Variants in SFRP2 observed in about 807,000 individuals in gnomAD.
SFRP2 encodes the protein secreted frizzled-related protein 2.
Under a neutral mutation model 26.0 loss-of-function variants are expected in SFRP2, and 16 were observed. That is an observed-to-expected ratio of 0.61 (90% CI 0.42 to 0.93). The LOEUF is 0.93. Ranked by LOEUF, SFRP2 falls within the 40% of genes least tolerant of loss-of-function variation. The pLI is 0.00. For missense variants in SFRP2, 343 were observed against 392.4 expected, an observed-to-expected ratio of 0.87 and a Z score of 1.06; for synonymous variants, 173 against 167.3, an observed-to-expected ratio of 1.03 and a Z score of -0.26.
chr4:153,787,765 T>C (rs1741234782), intron 1 of SFRP2, among the ~76,000 whole-genome samples: 1 of 152,248 alleles, frequency 6.6e-6, no homozygotes, highest in Non-Finnish European at 1.5e-5. Context: ...CCAGTCCCGG[T>C]TTTATTTCCA....
Position 153,788,571 on chromosome 4 carries a change from G to A in SFRP2, c.265C>T (p.Pro89Ser), listed in dbSNP as rs767842776. ...GAGCACAGGAACTTCTTGGTGTCCGGGTGGCACTGCTTCATGACCAGCGGG... is the reference window on the plus strand; with the variant it reads ...GAGCACAGGAACTTCTTGGTGTCCGAGTGGCACTGCTTCATGACCAGCGGG... ...WIPLVMKQCH[P>S]DTKKFLCSLF... The change falls in exon 1 of 3, where the codon CCG becomes TCG. Residue 89 changes from proline to serine, a missense_variant. By Grantham distance (74) the Pro-to-Ser change is moderately conservative (BLOSUM62 -1). Coordinates refer to ENST00000274063, the MANE Select transcript of SFRP2 (RefSeq NM_003013.3). 1.9e-6 allele frequency: 3 copies of A among 1,614,180 alleles called. No homozygotes were observed. Among genetic ancestry groups the A allele is most frequent in the African/African-American group, 1.3e-5 (1 of 75,056 alleles).
Position 153,781,478 on chromosome 4 carries a change from G to C in SFRP2, c.861C>G (p.Ser287=). The stretch of plus-strand genomic sequence containing the variant: ...AGCACTGCAGCTTGCGGATGCTGCG[G>C]GAGATGCGCTTGAACTCTCTCTGCC... ...QKGQREFKRI[S]RSIRKLQC The change falls in exon 3 of 3, where the codon TCC becomes TCG. Residue 287 remains serine (S), a synonymous_variant. Coordinates refer to ENST00000274063, the MANE Select transcript of SFRP2 (RefSeq NM_003013.3). 6.2e-7 allele frequency: 1 copy of C among 1,613,680 alleles called. No individual in the cohort carries two copies. The highest frequency in any genetic ancestry group is 8.5e-7 in the Non-Finnish European group (1 of 1,180,014).
rs184182644 is a variant in SFRP2 at position 153,780,620 on chromosome 4, C to T, written c.*831G>A. 6 of 152,594 alleles carry T rather than the reference C, an allele frequency of 3.9e-5. No homozygotes were observed. In the East Asian group the frequency reaches 1.2e-3, roughly 29 times the overall value. 9.5% of individuals were successfully genotyped at this position (152,594 alleles called of 1,614,324 possible). A position where few individuals can be genotyped will look rare whatever the true frequency, so the allele number is the denominator to read the frequency against. On this transcript the variant is annotated 3_prime_UTR_variant, in exon 3 of 3. Coordinates refer to ENST00000274063, the MANE Select transcript of SFRP2 (RefSeq NM_003013.3). ...TAAAACAGGATGTAAAGTTTATATA[C>T]AAGAATATAATGTTTATCTGAAATA...
intron 2 of SFRP2, among the ~76,000 whole-genome samples, chr4:153,782,308 G>A (rs17030432): frequency 0.045 from 6,868 of 152,292 alleles, 265 homozygotes; most frequent in East Asian, 0.21. Flanking sequence ...ATTTGGTAAA[G>A]CAGGAGAAAC....
At chr4:153,784,323 G>C (rs1015112447) in intron 2 of SFRP2, among the ~76,000 whole-genome samples, 1 of 152,200 alleles carries the variant, frequency 6.6e-6, no homozygotes, top group Admixed American at 6.5e-5. Context: ...GTAAGGCTCT[G>C]GTGATTTGGA....
At chr4:153,784,649 T>A (rs1368267553) in intron 2 of SFRP2, among the ~76,000 whole-genome samples, 3 of 152,170 alleles carry the variant, frequency 2.0e-5, no homozygotes, top group Non-Finnish European at 4.4e-5. Flanking sequence ...ATTTCTGGGA[T>A]GGCAAGGTAA....
Position 153,788,962 on chromosome 4 carries a change from G to A in SFRP2, c.-127C>T. On this transcript the variant is annotated 5_prime_UTR_variant, in exon 1 of 3. Coordinates refer to ENST00000274063, the MANE Select transcript of SFRP2 (RefSeq NM_003013.3). ...GACTCGGGGCCCCGAAAAGCTGGCA[G>A]CCGGCGGCTGGGGCGCGGAGAAGCG... 3 of 1,213,434 alleles carry A rather than the reference G, an allele frequency of 2.5e-6. No homozygotes were observed. The highest frequency in any genetic ancestry group is 3.3e-6 in the Non-Finnish European group (3 of 912,770). The allele number at this position is 1,213,434 out of a possible 1,614,324, so 75.2% of individuals were successfully genotyped here. A position where few individuals can be genotyped will look rare whatever the true frequency, so the allele number is the denominator to read the frequency against.
chr4:153,785,554 C>CAAAAAAAAAAAA (rs369450385), intron 2 of SFRP2, among the ~76,000 whole-genome samples: 3 of 46,468 alleles, frequency 6.5e-5, no homozygotes, highest in Non-Finnish European at 1.2e-4. Context: ...TGCCTGTCGG[C>CAAAAAAAAAAAA]AAAAAAAAAA....
Position 153,788,831 on chromosome 4 carries a change from A to C in SFRP2, c.5T>G (p.Leu2Arg), listed in dbSNP as rs767318221. The change falls in exon 1 of 3, where the codon CTG becomes CGG. Residue 2 changes from leucine (L) to arginine (R), a missense_variant. Coordinates refer to ENST00000274063, the MANE Select transcript of SFRP2 (RefSeq NM_003013.3). Reference protein sequence around the residue: MLQGPGSLLLLF... With the variant: MRQGPGSLLLLF... Reference sequence around the variant, plus strand: ...CAGCAGCAGCGAGCCAGGGCCCTGCAGCATCGTGGGCGCGCGACCCCGAGG... The same window carrying C: ...CAGCAGCAGCGAGCCAGGGCCCTGCCGCATCGTGGGCGCGCGACCCCGAGG... The C allele has an allele frequency of 6.3e-7, 1 of 1,589,026 alleles. No individual in the cohort carries two copies. Among genetic ancestry groups the C allele is most frequent in the South Asian group, 1.1e-5 (1 of 90,314 alleles).
At chr4:153,788,148 G>A (rs927966042) in intron 1 of SFRP2, among the ~76,000 whole-genome samples, 186 bp downstream of exon 1, 5 of 152,202 alleles carry the variant, frequency 3.3e-5, no homozygotes, top group African/African-American at 1.2e-4. Flanking sequence ...AGACTTGGGC[G>A]GCGTGGGAGG....
Position 153,781,504 on chromosome 4 carries a change from C to G in SFRP2, c.835G>C (p.Gly279Arg). Residue 279 changes from glycine (G) to arginine (R), a missense_variant, in exon 3 of 3, where the codon GGG becomes CGG. This residue lies in a region of SFRP2 where 92 missense variants were observed against 139.0 expected (regional missense o/e 0.66). Transcript: ENST00000274063. ...GAGATGCGCTTGAACTCTCTCTGCC[C>G]CTTCTGCCACCGCTTCACCGAGGTG... is the stretch of plus-strand genomic sequence containing the variant. Reference protein sequence around the residue: ...VITSVKRWQKGQREFKRISRS... With the variant: ...VITSVKRWQKRQREFKRISRS... 6.2e-7 allele frequency: 1 copy of G among 1,614,130 alleles called. No individual in the cohort carries two copies.
chr4:153,781,831 C>G (rs1741126730), intron 2 of SFRP2, 76 bp from the exon 3 acceptor site: 1 of 1,317,492 alleles, frequency 7.6e-7, no homozygotes. Context: ...TCTGCCAACT[C>G]GTGTGACTTG....
In SFRP2 at chr4:153,788,586, T is replaced by C. The variant is rs1202897391; in HGVS notation, c.250A>G (p.Met84Val). The change falls in exon 1 of 3, where the codon ATG becomes GTG. Residue 84 changes from methionine to valine, a missense_variant. Met to Val is a conservative substitution (Grantham distance 21). Coordinates refer to ENST00000274063, the MANE Select transcript of SFRP2 (RefSeq NM_003013.3). ...TTGGTGTCCGGGTGGCACTGCTTCA[T>C]GACCAGCGGGATCCAAGCGCCGGCC... The part of the protein sequence containing the change: ...EQAGAWIPLV[M>V]KQCHPDTKKF... 1.2e-6 allele frequency: 2 copies of C among 1,614,018 alleles called. No homozygotes were observed. The highest frequency in any genetic ancestry group is 2.7e-5 in the African/African-American group (2 of 74,920).
Position 153,788,549 on chromosome 4 carries a change from C to A in SFRP2, c.287G>T (p.Cys96Phe). ...GAGGCAGACGGGGGCGAAGAGCGAG[C>A]ACAGGAACTTCTTGGTGTCCGGGTG... ...QCHPDTKKFL[C>F]SLFAPVCLDD... Residue 96 changes from cysteine (C) to phenylalanine (F), a missense_variant, in exon 1 of 3, where the codon TGC (cysteine) becomes TTC (phenylalanine). Coordinates refer to ENST00000274063, the MANE Select transcript of SFRP2 (RefSeq NM_003013.3). 6.2e-7 allele frequency: 1 copy of A among 1,614,172 alleles called. No homozygotes were observed. The highest frequency in any genetic ancestry group is 8.5e-7 in the Non-Finnish European group (1 of 1,180,038).
In SFRP2 at chr4:153,781,671, T is replaced by C; in HGVS notation, c.668A>G (p.Lys223Arg). Reference protein sequence around the residue: ...ILETKSKTIYKLNGVSERDLK... With the variant: ...ILETKSKTIYRLNGVSERDLK... ...GTCCCTTTCGGACACACCGTTCAGC[T>C]TGTAAATGGTCTTGCTCTTGGTCTC... The change falls in exon 3 of 3, where the codon AAG becomes AGG. Residue 223 changes from lysine to arginine, a missense_variant. This residue lies in a region of SFRP2 where 92 missense variants were observed against 139.0 expected (regional missense o/e 0.66). Coordinates refer to ENST00000274063, the MANE Select transcript of SFRP2 (RefSeq NM_003013.3). 1 of 1,614,108 alleles carries C rather than the reference T, an allele frequency of 6.2e-7. No individual in the cohort carries two copies. The highest frequency in any genetic ancestry group is 1.7e-5 in the Admixed American group (1 of 60,024).
rs1233522473 is a variant in SFRP2 at position 153,788,778 on chromosome 4, C to G, written c.58G>C (p.Gly20Arg). Residue 20 changes from glycine to arginine, a missense_variant, in exon 1 of 3, where the codon GGC becomes CGC. By Grantham distance (125) the Gly-to-Arg change is moderately radical. Around this residue, in one of 2 missense-constraint regions of SFRP2, gnomAD observed 251 missense variants for 253.3 expected, o/e 0.99. Coordinates refer to ENST00000274063, the MANE Select transcript of SFRP2 (RefSeq NM_003013.3). The part of the protein sequence containing the change: ...LLFLASHCCL[G>R]SARGLFLFGQ... ...AAGAGGAAGAGCCCGCGCGCCGAGC[C>G]CAGGCAGCAGTGCGAGGCGAGGAAG... The G allele has an allele frequency of 4.3e-6, 7 of 1,610,178 alleles. No individual in the cohort carries two copies. Among genetic ancestry groups the G allele is most frequent in the Admixed American group, 1.7e-5 (1 of 60,002 alleles).
Position 153,788,405 on chromosome 4 carries a change from C to T in SFRP2, c.431G>A (p.Arg144His), listed in dbSNP as rs376726694. 18 of 1,613,944 alleles carry T rather than the reference C, an allele frequency of 1.1e-5. No individual in the cohort carries two copies. The East Asian group carries it at 2.7e-4, about 24-fold the overall frequency. ...FPWPDMLECD[R>H]FPQDNDLCIP... Reference sequence around the variant, plus strand: ...GCAAAGGTCGTTGTCCTGGGGGAAACGGTCGCACTCAAGCATGTCGGGCCA... The same window carrying T: ...GCAAAGGTCGTTGTCCTGGGGGAAATGGTCGCACTCAAGCATGTCGGGCCA... The change falls in exon 1 of 3, where the codon CGT becomes CAT. Residue 144 changes from arginine to histidine, a missense_variant. Physicochemically the swap from Arg to His is conservative, Grantham distance 29. Coordinates refer to ENST00000274063, the MANE Select transcript of SFRP2 (RefSeq NM_003013.3).
At chr4:153,782,906 A>G in intron 2 of SFRP2, among the ~76,000 whole-genome samples, 1 of 74,454 alleles carries the variant, frequency 1.3e-5, no homozygotes, top group South Asian at 4.4e-4. Flanking sequence ...CCTGACTTTG[A>G]TGGAGTTTAA....
Position 153,788,446 on chromosome 4 carries a change from G to C in SFRP2, c.390C>G (p.Ser130=). The change falls in exon 1 of 3, where the codon TCC becomes TCG. Residue 130 remains serine (S), a synonymous_variant. Coordinates refer to ENST00000274063, the MANE Select transcript of SFRP2 (RefSeq NM_003013.3). ...TGTCGGGCCAGGGGAAGCCGAAGGC[G>C]GACATGACCGGGGCGCAGCGGTCCT... The part of the protein sequence containing the change: ...QVKDRCAPVM[S]AFGFPWPDML... The C allele has an allele frequency of 6.2e-7, 1 of 1,614,216 alleles. No individual in the cohort carries two copies. The highest frequency in any genetic ancestry group is 1.7e-5 in the Admixed American group (1 of 60,036).
Sources: gnomAD v4.1 joint callset for allele counts (sites outside exome capture counted in the v4.1 genomes callset) on GRCh38, gnomAD v4.1.1 for gene constraint, gnomAD v4.1.1 regional missense constraint, MANE v1.5 for transcripts, NCBI Gene and HGNC (gene_info 2026-07-23, HGNC 2026-07-21) for gene names.